The following ECT2 variants were observed in gnomAD, a reference collection of about 807,000 sequenced individuals.
The protein encoded by ECT2 is epithelial cell transforming 2, also known as protein ECT2.
In ECT2, 61 loss-of-function variants were observed where a neutral mutation model predicts 116.9. The observed-to-expected ratio is 0.52, with a 90% confidence interval of 0.42 to 0.65. ECT2 has a LOEUF of 0.65. ECT2 is among the 30% of genes least tolerant of loss of function. The pLI is 0.00. For synonymous variants in ECT2, 358 were observed against 346.4 expected, an observed-to-expected ratio of 1.03 and a Z score of -0.37; for missense variants, 937 against 1,078.7, an observed-to-expected ratio of 0.87 and a Z score of 1.84.
intron 14 of ECT2, among the ~76,000 whole-genome samples, chr3:172,779,754 C>G (rs1044149417): frequency 5.3e-5 from 8 of 152,002 alleles, no homozygotes; most frequent in African/African-American, 1.9e-4. Context: ...AAAAATAAAA[C>G]AGCTGGCTGT....
In ECT2 at chr3:172,764,478, A is replaced by G. The variant is rs1718944998; in HGVS notation, c.1269A>G (p.Pro423=). ...IGSLLDISNT[P]ESSINYGDTP... Reference sequence around the variant, plus strand: ...CACTCCTAGATATCTCCAACACACCAGAGTCTAGCATTAACTATGGAGGTA... The same window carrying G: ...CACTCCTAGATATCTCCAACACACCGGAGTCTAGCATTAACTATGGAGGTA... Residue 423 remains proline, a synonymous_variant, in exon 12 of 25, where the codon CCA becomes CCG. Coordinates refer to ENST00000392692, the MANE Select transcript of ECT2 (RefSeq NM_001258315.2). 6.2e-7 allele frequency: 1 copy of G among 1,613,834 alleles called. No homozygotes were observed. The highest frequency in any genetic ancestry group is 8.5e-7 in the Non-Finnish European group (1 of 1,179,832).
intron 22 of ECT2, among the ~76,000 whole-genome samples, chr3:172,814,253 A>G (rs1014379167): frequency 6.6e-6 from 1 of 152,064 alleles, no homozygotes; most frequent in Non-Finnish European, 1.5e-5. Flanking sequence ...GTTGAGTATA[A>G]TATTTAACAC....
chr3:172,751,806 C>T (rs528977692), intron 1 of ECT2, among the ~76,000 whole-genome samples: 4 of 152,162 alleles, frequency 2.6e-5, no homozygotes, highest in African/African-American at 4.8e-5. Context: ...GAACACTGAT[C>T]CTATTGTGCT....
intron 18 of ECT2, among the ~76,000 whole-genome samples, chr3:172,794,498 G>A (rs1020082636): frequency 3.9e-5 from 6 of 152,062 alleles, no homozygotes; most frequent in African/African-American, 1.4e-4. Flanking sequence ...CTTGATTACT[G>A]TACTTTAAGT....
chr3:172,827,755 G>C, the ECT2 span, among the ~76,000 whole-genome samples: 1 of 152,178 alleles, frequency 6.6e-6, no homozygotes, highest in African/African-American at 2.4e-5. Context: ...ACGTTAAAAC[G>C]TAAAAAGTTT....
At chr3:172,782,989 T>TG in intron 15 of ECT2, among the ~76,000 whole-genome samples, 1 of 152,294 alleles carries the variant, frequency 6.6e-6, no homozygotes, top group Non-Finnish European at 1.5e-5. Context: ...TTGTGAATAT[T>TG]GCTGAATTCT....
chr3:172,751,407 A>G (rs1715790054), intron 1 of ECT2, among the ~76,000 whole-genome samples: 1 of 152,102 alleles, frequency 6.6e-6, no homozygotes, highest in Non-Finnish European at 1.5e-5. Flanking sequence ...TTTACCCCTT[A>G]CTAACAGTTT....
At chr3:172,768,022 G>A (rs1719847526) in intron 12 of ECT2, among the ~76,000 whole-genome samples, 1 of 152,144 alleles carries the variant, frequency 6.6e-6, no homozygotes, top group Non-Finnish European at 1.5e-5. Flanking sequence ...GTGAGCCACC[G>A]TGCCTGGCCG....
At chr3:172,800,400 G>C (rs544732729) in intron 18 of ECT2, among the ~76,000 whole-genome samples, 5 of 152,206 alleles carry the variant, frequency 3.3e-5, no homozygotes, top group African/African-American at 7.2e-5. Context: ...AACTTTACTA[G>C]TGTCAATGAG....
At position 172,804,178 on chromosome 3, in the gene ECT2, T is replaced by A. The variant is rs1248965696; in HGVS notation, c.2106+1198T>A. On this transcript the variant is annotated intron_variant, in intron 20 of 24. Transcript: ENST00000392692. ...TACTTCTATCAAAGTATTGCCTTCT[T>A]ATATATCATATACATTATTATTTAT... is the stretch of plus-strand genomic sequence containing the variant. 2.6e-5 allele frequency among the ~76,000 whole-genome samples: 4 copies of A among 152,140 alleles called. No individual in the cohort carries two copies. In the East Asian group the frequency reaches 7.7e-4, roughly 29 times the overall value.
At chr3:172,794,975 G>T (rs746871583) in intron 18 of ECT2, among the ~76,000 whole-genome samples, 1 of 152,090 alleles carries the variant, frequency 6.6e-6, no homozygotes, top group Non-Finnish European at 1.5e-5. Flanking sequence ...GCCTCCCAAA[G>T]TTCTTCGATT....
intron 1 of ECT2, among the ~76,000 whole-genome samples, chr3:172,751,308 CT>C (rs921948531): frequency 7.4e-4 from 113 of 152,218 alleles, no homozygotes; most frequent in African/African-American, 2.6e-3. Context: ...CCATCCGCCC[CT>C]CGTCCTCCCC....
the ECT2 span, among the ~76,000 whole-genome samples, chr3:172,826,481 G>C: frequency 6.6e-6 from 1 of 152,208 alleles, no homozygotes; most frequent in African/African-American, 2.4e-5. Context: ...ATCTATTCCT[G>C]ATGAAGGTGC....
At position 172,764,445 on chromosome 3, in the gene ECT2, C is replaced by T. The variant is rs1718936528; in HGVS notation, c.1236C>T (p.Ser412=). 6.2e-7 allele frequency: 1 copy of T among 1,614,118 alleles called. No homozygotes were observed. The highest frequency in any genetic ancestry group is 8.5e-7 in the Non-Finnish European group (1 of 1,179,988). Residue 412 remains serine, a synonymous_variant, in exon 12 of 25, where the codon TCC becomes TCT. Transcript: ENST00000392692. ...GCCCATCAGCTGAGCATTCCCTTTC[C>T]ATAGGGTCACTCCTAGATATCTCCA... The part of the protein sequence containing the change: ...RKRPSAEHSL[S]IGSLLDISNT...
chr3:172,816,574 C>G, intron 23 of ECT2, 117 bp from the exon 24 acceptor site: 4 of 743,436 alleles, frequency 5.4e-6, no homozygotes, highest in Non-Finnish European at 8.0e-6. Flanking sequence ...GATTCTAATC[C>G]TGCCACATAG....
intron 17 of ECT2, 54 bp from the exon 18 acceptor site, chr3:172,786,439 A>T (rs1324161568): frequency 1.7e-6 from 2 of 1,148,726 alleles, no homozygotes; most frequent in East Asian, 2.4e-5. Context: ...TTTTAGTCTT[A>T]GATGAGAAAT....
intron 18 of ECT2, among the ~76,000 whole-genome samples, chr3:172,801,910 G>T (rs1358672644): frequency 6.6e-6 from 1 of 152,164 alleles, no homozygotes; most frequent in Non-Finnish European, 1.5e-5. Flanking sequence ...TCAGTGAAAT[G>T]ATTAGCCTAT....
chr3:172,786,361 T>C, intron 17 of ECT2, 132 bp from the exon 18 acceptor site: 1 of 601,492 alleles, frequency 1.7e-6, no homozygotes, highest in Non-Finnish European at 2.9e-6. Flanking sequence ...GGAACAGTGC[T>C]TAAAACTTTT....
intron 18 of ECT2, among the ~76,000 whole-genome samples, chr3:172,793,161 A>T (rs1199493086): frequency 3.3e-5 from 5 of 151,730 alleles, no homozygotes; most frequent in South Asian, 4.1e-4. Flanking sequence ...TTTTTTATTT[A>T]TTTTTATTTA....
Sources: gnomAD v4.1 joint callset for allele counts (sites outside exome capture counted in the v4.1 genomes callset) on GRCh38, gnomAD v4.1.1 for gene constraint, MANE v1.5 for transcripts, NCBI Gene and HGNC (gene_info 2026-07-23, HGNC 2026-07-21) for gene names.